Variants in CLEC16A observed in about 807,000 individuals in gnomAD.
CLEC16A encodes C-type lectin domain containing 16A.
Under a neutral mutation model 109.5 loss-of-function variants are expected in CLEC16A, and 51 were observed. That is an observed-to-expected ratio of 0.47 (90% CI 0.37 to 0.59). The LOEUF (loss-of-function observed/expected upper bound fraction) is 0.59. Among genes scored for constraint, CLEC16A ranks in the 20% least tolerant of loss-of-function variants. The pLI is 0.00. For missense variants in CLEC16A, 1,339 were observed against 1,394.0 expected (o/e 0.96, Z 0.63); for synonymous variants, 673 against 564.2 (o/e 1.19, Z -2.73).
chr16:10,958,250 G>A (rs952501977), intron 2 of CLEC16A, among the ~76,000 whole-genome samples: 4 of 152,204 alleles, frequency 2.6e-5, no homozygotes, highest in African/African-American at 7.2e-5. Context: ...TGCCCTGGGG[G>A]AGTCCCTGAG....
Position 11,120,723 on chromosome 16 carries a change from C to G in CLEC16A, c.2225C>G (p.Ser742Cys). 1 of 1,596,958 alleles carries G rather than the reference C, an allele frequency of 6.3e-7. No individual in the cohort carries two copies. The highest frequency in any genetic ancestry group is 8.5e-7 in the Non-Finnish European group (1 of 1,171,364). The change falls in exon 20 of 24, where the codon TCC becomes TGC. Residue 742 changes from serine to cysteine, a missense_variant. Around this residue, in one of 3 missense-constraint regions of CLEC16A, gnomAD observed 1,061 missense variants for 1,006.8 expected, o/e 1.05. Transcript: ENST00000409790. ...ATGAGTTTGGTGGAGCCTGATGTGT[C>G]CAGGCTTGGCTGGGGAGTGGTCAAG... Reference protein sequence around the residue: ...YQMSLVEPDVSRLGWGVVKFA... With the variant: ...YQMSLVEPDVCRLGWGVVKFA...
At chr16:11,059,975 C>T (rs1282892394) in intron 18 of CLEC16A, among the ~76,000 whole-genome samples, 2 of 152,220 alleles carry the variant, frequency 1.3e-5, no homozygotes, top group African/African-American at 4.8e-5. Context: ...GAGAGGCCTG[C>T]AGGTGGCCTT....
In CLEC16A at chr16:11,178,534, G is replaced by A. The variant is rs114461101; in HGVS notation, c.3006G>A (p.Leu1002=). The change falls in exon 24 of 24, where the codon CTG becomes CTA. Residue 1002 remains leucine (L), a synonymous_variant. Coordinates refer to ENST00000409790, the MANE Select transcript of CLEC16A (RefSeq NM_015226.3). The surrounding 1 kb of genome is among the most constrained non-coding windows in gnomAD (Gnocchi z 6.5). ...TCTGCGAGGACACGGCTGACACGCT[G>A]AGCGTCGAATCGCTGACCCTTGTCC... is the stretch of plus-strand genomic sequence containing the variant. The part of the protein sequence containing the change: ...SLLCEDTADT[L]SVESLTLVPP... 3,566 of 1,613,150 alleles carry A rather than the reference G, an allele frequency of 2.2e-3. 73 individuals carry two copies. The African/African-American group carries it at 0.044, about 20-fold the overall frequency.
At chr16:11,068,050 GT>G (rs2048865120) in intron 19 of CLEC16A, among the ~76,000 whole-genome samples, 1 of 152,188 alleles carries the variant, frequency 6.6e-6, no homozygotes, top group Non-Finnish European at 1.5e-5. Context: ...GGACTTGCCT[GT>G]TTAAAAGTCA....
rs2068867946 is a variant in CLEC16A, at chr16:11,178,797, A to T, written c.*107A>T. The T allele has an allele frequency of 1.2e-6, 1 of 829,292 alleles. No homozygotes were observed. Among genetic ancestry groups the T allele is most frequent in the African/African-American group, 1.7e-5 (1 of 58,188 alleles). The allele number at this position is 829,292 out of a possible 1,614,324, so 51.4% of individuals were successfully genotyped here. ...GCACCCACCATTCTGTGCGGCCCCC[A>T]GCAGCCATCTCAACCACCTATCCCT... On this transcript the variant is annotated 3_prime_UTR_variant, in exon 24 of 24. Transcript: ENST00000409790. This position sits in a 1 kb window ranked among gnomAD's most constrained non-coding sequence, Gnocchi z 6.5.
At chr16:11,012,348 C>T (rs891566484) in intron 11 of CLEC16A, among the ~76,000 whole-genome samples, 2 of 152,094 alleles carry the variant, frequency 1.3e-5, no homozygotes, top group African/African-American at 2.4e-5. Flanking sequence ...GTAATCCCAG[C>T]GCTTTGGGAG....
At chr16:11,165,168 CG>C (rs2068203916) in intron 22 of CLEC16A, among the ~76,000 whole-genome samples, 2 of 151,930 alleles carry the variant, frequency 1.3e-5, no homozygotes, top group South Asian at 4.2e-4. Context: ...GCTCCTGGGC[CG>C]GATAAAAGGG....
chr16:11,119,234 G>A (rs148802960), intron 19 of CLEC16A, among the ~76,000 whole-genome samples: 117 of 152,244 alleles, frequency 7.7e-4, no homozygotes, highest in Non-Finnish European at 1.3e-4. Context: ...AAGTCGTGAC[G>A]TCAAGTGATC....
At chr16:11,177,959 T>G (rs1390412603) in intron 23 of CLEC16A, among the ~76,000 whole-genome samples, 5 of 152,146 alleles carry the variant, frequency 3.3e-5, no homozygotes, top group African/African-American at 1.2e-4. Flanking sequence ...GCCCATTTAC[T>G]TCCCAAACAA....
chr16:11,166,234 G>A (rs2068254691), intron 22 of CLEC16A, among the ~76,000 whole-genome samples, 154 bp from the exon 23 acceptor site: 1 of 152,232 alleles, frequency 6.6e-6, no homozygotes, highest in African/African-American at 2.4e-5. Context: ...AAATGTGGCT[G>A]GGTCAGGGCC....
chr16:11,059,745 G>A (rs2048384341), intron 18 of CLEC16A, among the ~76,000 whole-genome samples: 1 of 152,174 alleles, frequency 6.6e-6, no homozygotes, highest in African/African-American at 2.4e-5. Flanking sequence ...ACCCCACTGT[G>A]CTGGCTGCTT....
intron 11 of CLEC16A, among the ~76,000 whole-genome samples, chr16:11,010,700 G>A (rs2045350314): frequency 6.6e-6 from 1 of 152,140 alleles, no homozygotes; most frequent in Admixed American, 6.6e-5. Context: ...TGTTCTTGTT[G>A]TATTGGCCTA....
chr16:11,148,130 T>G (rs1412214195), intron 22 of CLEC16A, among the ~76,000 whole-genome samples: 3 of 152,210 alleles, frequency 2.0e-5, no homozygotes, highest in African/African-American at 7.2e-5. Context: ...AAGAAAGAAT[T>G]AGAATCACTG....
chr16:11,060,804 T>C, intron 18 of CLEC16A, 98 bp from the exon 19 acceptor site: 1 of 1,269,752 alleles, frequency 7.9e-7, no homozygotes, highest in African/African-American at 1.5e-5. Flanking sequence ...TTCTTTCTTT[T>C]TTAATAGAGA....
At chr16:11,024,740 G>T (rs536248813) in intron 12 of CLEC16A, 81 bp from the exon 13 acceptor site, 44 of 1,074,798 alleles carry the variant, frequency 4.1e-5, no homozygotes, top group African/African-American at 3.9e-4. Flanking sequence ...AAGGCAGCTA[G>T]CACCCCATGT....
At chr16:11,121,178 A>G (rs34306440) in intron 20 of CLEC16A, among the ~76,000 whole-genome samples, 25,443 of 152,264 alleles carry the variant, frequency 0.17, 2,594 homozygotes, top group South Asian at 0.27. Context: ...TTGTCATTCA[A>G]TATCAATAGT....
intron 9 of CLEC16A, 66 bp from the exon 10 acceptor site, chr16:10,982,812 C>G: frequency 1.1e-6 from 1 of 927,328 alleles, no homozygotes; most frequent in Non-Finnish European, 1.7e-6. Context: ...GCTTCTGATC[C>G]AGGAAGCAAG....
chr16:11,050,371 G>C (rs964022066), intron 17 of CLEC16A, among the ~76,000 whole-genome samples: 1 of 152,210 alleles, frequency 6.6e-6, no homozygotes, highest in African/African-American at 2.4e-5. Context: ...GGGCCACTGA[G>C]CCCTCGCTAC....
At chr16:11,009,603 A>C (rs1477122115) in intron 11 of CLEC16A, among the ~76,000 whole-genome samples, 1 of 152,194 alleles carries the variant, frequency 6.6e-6, no homozygotes, top group East Asian at 1.9e-4. Flanking sequence ...ATGGCGCCGT[A>C]CCACCTACAA....
Sources: allele counts gnomAD v4.1 joint callset (sites outside exome capture counted in the v4.1 genomes callset), GRCh38; gene constraint gnomAD v4.1.1; regional missense constraint gnomAD v4.1.1; non-coding constraint Gnocchi (gnomAD v3.1); transcripts MANE v1.5; gene names NCBI Gene and HGNC (gene_info 2026-07-23, HGNC 2026-07-21).